Variants in TSPAN5 observed in about 807,000 individuals in gnomAD.
TSPAN5 encodes the protein tetraspanin 5, also known as tetraspanin-5.
TSPAN5 carries 10 observed loss-of-function variants against 37.1 expected under a neutral mutation model. The observed-to-expected ratio is 0.27, with a 90% CI of 0.17 to 0.46. The LOEUF (loss-of-function observed/expected upper bound fraction) is 0.46, where lower values mean the gene tolerates loss of function less well. Among genes scored for constraint, TSPAN5 ranks in the 20% least tolerant of loss-of-function variants. TSPAN5 has a pLI of 1.00. For synonymous variants in TSPAN5, 110 were observed against 118.9 expected (o/e 0.93, Z 0.48); for missense variants, 195 against 326.6 (o/e 0.60, Z 3.11).
intron 1 of TSPAN5, among the ~76,000 whole-genome samples, chr4:98,583,288 T>C (rs1056371482): frequency 6.6e-6 from 1 of 152,198 alleles, no homozygotes; most frequent in Non-Finnish European, 1.5e-5. Flanking sequence ...TTTTTTAACT[T>C]TTAAAATGCA....
chr4:98,595,762 A>G (rs1310231570), intron 1 of TSPAN5, among the ~76,000 whole-genome samples: 3 of 74,944 alleles, frequency 4.0e-5, no homozygotes, highest in Non-Finnish European at 6.9e-5. Flanking sequence ...GAGATTCTTA[A>G]TCCTGAGTTC....
chr4:98,495,173 C>T (rs192811714), intron 2 of TSPAN5, among the ~76,000 whole-genome samples: 15 of 152,184 alleles, frequency 9.9e-5, no homozygotes, highest in Admixed American at 9.8e-4. Context: ...TATGTTCTAT[C>T]CCCGTTAGAT....
In TSPAN5 at chr4:98,612,427, T is replaced by C. The variant is rs142411534; in HGVS notation, c.81+45719A>G. Among the ~76,000 whole-genome samples, 660 of 152,352 alleles carry C rather than the reference T, an allele frequency of 4.3e-3. 10 individuals carry two copies. Among genetic ancestry groups the C allele is most frequent in the Admixed American group, 0.023 (354 of 15,306 alleles). On this transcript the variant is annotated intron_variant, in intron 1 of 7. Coordinates refer to ENST00000305798, the MANE Select transcript of TSPAN5 (RefSeq NM_005723.4). ...ACAAGAACAATGATGTATCCTTCAATTAAATTCTTTTGCTTAAACTAATCT... is the reference window on the plus strand; with the variant it reads ...ACAAGAACAATGATGTATCCTTCAACTAAATTCTTTTGCTTAAACTAATCT...
At chr4:98,538,842 G>T (rs994756340) in intron 1 of TSPAN5, among the ~76,000 whole-genome samples, 2 of 152,140 alleles carry the variant, frequency 1.3e-5, no homozygotes, top group African/African-American at 2.4e-5. Flanking sequence ...TACTGTAGAA[G>T]AATTCACTCA....
chr4:98,552,083 ATCT>A (rs1442259110), intron 1 of TSPAN5, among the ~76,000 whole-genome samples: 1 of 149,156 alleles, frequency 6.7e-6, no homozygotes, highest in African/African-American at 2.5e-5. Context: ...GTTTATTTTG[ATCT>A]TCTCTCTTCT....
intron 1 of TSPAN5, among the ~76,000 whole-genome samples, chr4:98,551,548 G>C (rs1358589514): frequency 1.4e-5 from 2 of 141,288 alleles, no homozygotes; most frequent in African/African-American, 2.7e-5. Context: ...CTGGAGTGCA[G>C]TGGCGCGATC....
chr4:98,507,456 C>T (rs1334432880), intron 2 of TSPAN5, among the ~76,000 whole-genome samples: 1 of 152,108 alleles, frequency 6.6e-6, no homozygotes, highest in Admixed American at 6.6e-5. Flanking sequence ...CTGTTGAGCA[C>T]GTGTATTGTT....
At position 98,472,528 on chromosome 4, in the gene TSPAN5, G is replaced by T; in HGVS notation, c.801C>A (p.Ser267Arg). ...AGCAGCGGTTGCAGGGGGTCTACCA[G>T]CTCGCCCTGACAGCTTCGATATCGC... is the stretch of plus-strand genomic sequence containing the variant. ...LVSDIEAVRA[S>R]W Residue 267 changes from serine (S) to arginine (R), a missense_variant, in exon 8 of 8, where the codon AGC becomes AGA. By Grantham distance (110) the Ser-to-Arg change is moderately radical. Transcript: ENST00000305798. 6.2e-7 allele frequency: 1 copy of T among 1,613,978 alleles called. No individual in the cohort carries two copies. The highest frequency in any genetic ancestry group is 1.7e-5 in the Admixed American group (1 of 60,016).
intron 1 of TSPAN5, among the ~76,000 whole-genome samples, chr4:98,641,755 A>G (rs1254518166): frequency 1.3e-5 from 2 of 152,042 alleles, no homozygotes; most frequent in East Asian, 1.9e-4. Flanking sequence ...AACTCCACCC[A>G]TGGGTAAAAT....
At chr4:98,651,178 G>A (rs1757178398) in intron 1 of TSPAN5, among the ~76,000 whole-genome samples, 2 of 152,174 alleles carry the variant, frequency 1.3e-5, no homozygotes, top group Non-Finnish European at 2.9e-5. Flanking sequence ...AGGGTACAAT[G>A]AGAACGCAGC....
intron 7 of TSPAN5, among the ~76,000 whole-genome samples, chr4:98,475,327 C>A (rs1192080409): frequency 2.6e-5 from 4 of 152,176 alleles, no homozygotes; most frequent in African/African-American, 9.7e-5. Flanking sequence ...CTTAGGTCTT[C>A]TTTAATTTGT....
intron 2 of TSPAN5, among the ~76,000 whole-genome samples, chr4:98,488,996 C>G (rs1331652212): frequency 6.6e-6 from 1 of 152,204 alleles, no homozygotes; most frequent in Admixed American, 6.5e-5. Context: ...ATGTTAGTAC[C>G]TGAAGCTTTC....
At position 98,476,078 on chromosome 4, in the gene TSPAN5, T is replaced by C. The variant is rs115946564; in HGVS notation, c.741+111A>G. The C allele has an allele frequency of 1.7e-3, 1,309 of 752,826 alleles. 16 individuals carry two copies. In the African/African-American group the frequency reaches 0.02, roughly 11 times the overall value. 46.6% of individuals were successfully genotyped at this position (752,826 alleles called of 1,614,324 possible). A position where few individuals can be genotyped will look rare whatever the true frequency, so the allele number is the denominator to read the frequency against. On this transcript the variant is annotated intron_variant, in intron 7 of 7. Coordinates refer to ENST00000305798, the MANE Select transcript of TSPAN5 (RefSeq NM_005723.4). Reference sequence around the variant, plus strand: ...TTAGGTCTGTTCCTCAGCCCTCCAATGTGTCTTAAAAACTATGACAATCAA... The same window carrying C: ...TTAGGTCTGTTCCTCAGCCCTCCAACGTGTCTTAAAAACTATGACAATCAA...
At chr4:98,565,160 G>C (rs1337470363) in intron 1 of TSPAN5, among the ~76,000 whole-genome samples, 2 of 152,088 alleles carry the variant, frequency 1.3e-5, no homozygotes, top group Non-Finnish European at 2.9e-5. Context: ...ATGAACAAGG[G>C]GACTATTTGC....
intron 1 of TSPAN5, among the ~76,000 whole-genome samples, chr4:98,515,114 G>A (rs980580104): frequency 2.0e-5 from 3 of 152,186 alleles, no homozygotes; most frequent in African/African-American, 7.2e-5. Context: ...AAAGTCTGGA[G>A]GCACAGCCAC....
chr4:98,509,445 T>C (rs1038832112), intron 1 of TSPAN5, among the ~76,000 whole-genome samples: 7 of 152,080 alleles, frequency 4.6e-5, no homozygotes, highest in African/African-American at 1.7e-4. Flanking sequence ...TCCGAAAACA[T>C]AGTGGTGTTT....
intron 1 of TSPAN5, among the ~76,000 whole-genome samples, chr4:98,564,518 C>A (rs1480560055): frequency 6.6e-6 from 1 of 152,126 alleles, no homozygotes; most frequent in Non-Finnish European, 1.5e-5. Context: ...GTTAATCTCA[C>A]TGAGTCCTTT....
At chr4:98,609,224 A>G (rs1756120002) in intron 1 of TSPAN5, among the ~76,000 whole-genome samples, 1 of 152,156 alleles carries the variant, frequency 6.6e-6, no homozygotes, top group Non-Finnish European at 1.5e-5. Context: ...ATATATACAC[A>G]TACTGCTGTC....
chr4:98,648,368 G>T (rs559181651), intron 1 of TSPAN5, among the ~76,000 whole-genome samples: 1 of 152,168 alleles, frequency 6.6e-6, no homozygotes, highest in African/African-American at 2.4e-5. Context: ...TGAAGGAGAA[G>T]GTGGTCTGCC....
Sources: gnomAD v4.1 joint callset for allele counts (sites outside exome capture counted in the v4.1 genomes callset) on GRCh38, gnomAD v4.1.1 for gene constraint, MANE v1.5 for transcripts, NCBI Gene and HGNC (gene_info 2026-07-23, HGNC 2026-07-21) for gene names.